The following BCHE variants were observed in gnomAD, a reference collection of about 807,000 sequenced individuals.
BCHE encodes the protein cholinesterase.
Under a neutral mutation model 51.3 loss-of-function variants are expected in BCHE, and 48 were observed. That is an observed-to-expected ratio of 0.94 (90% CI 0.74 to 1.19). The LOEUF (loss-of-function observed/expected upper bound fraction) is 1.19. BCHE is among the 50% of genes most tolerant of loss of function. The pLI, the probability that BCHE is intolerant of heterozygous loss-of-function variation, is 0.00. For missense variants in BCHE, 847 were observed against 708.2 expected (o/e 1.20, Z -2.23); for synonymous variants, 251 against 238.0 (o/e 1.05, Z -0.50).
intron 2 of BCHE, among the ~76,000 whole-genome samples, chr3:165,797,092 GA>G (rs1713409693): frequency 6.6e-6 from 1 of 151,468 alleles, no homozygotes; most frequent in South Asian, 2.1e-4. Context: ...AAGAAAATCA[GA>G]AACTTTTTCT....
intron 3 of BCHE, among the ~76,000 whole-genome samples, chr3:165,779,615 C>G (rs971090220): frequency 6.6e-6 from 1 of 151,974 alleles, no homozygotes; most frequent in African/African-American, 2.4e-5. Context: ...TTCCTATACA[C>G]CAATAATAGA....
At chr3:165,825,296 T>C (rs2108231287) in intron 2 of BCHE, among the ~76,000 whole-genome samples, 1 of 151,984 alleles carries the variant, frequency 6.6e-6, no homozygotes, top group African/African-American at 2.4e-5. Context: ...TGGGAAATAA[T>C]GAACCTCAAT....
At chr3:165,810,922 T>C (rs915263361) in intron 2 of BCHE, among the ~76,000 whole-genome samples, 6 of 152,174 alleles carry the variant, frequency 3.9e-5, no homozygotes, top group Non-Finnish European at 8.8e-5. Context: ...GGCTCAAGAT[T>C]AATATATAAC....
At chr3:165,837,211 A>G (rs993654851) in intron 1 of BCHE, 103 bp downstream of exon 1, 6 of 725,764 alleles carry the variant, frequency 8.3e-6, no homozygotes, top group African/African-American at 1.8e-5. Context: ...ACAGAGCACC[A>G]AAGGGACACA....
At chr3:165,811,988 G>A (rs1343530672) in intron 2 of BCHE, among the ~76,000 whole-genome samples, 1 of 151,902 alleles carries the variant, frequency 6.6e-6, no homozygotes, top group Non-Finnish European at 1.5e-5. Context: ...AATCTCCAGA[G>A]ATTCCTTTTA....
At chr3:165,809,605 TTGTATTAAGGCAAA>T (rs1253394254) in intron 2 of BCHE, among the ~76,000 whole-genome samples, 8 of 151,710 alleles carry the variant, frequency 5.3e-5, no homozygotes, top group East Asian at 1.9e-4. Context: ...AATTTATCAT[TTGTATTAAGGCAAA>T]TGTATTAAGG....
At position 165,830,359 on chromosome 3, in the gene BCHE, T is replaced by G. The variant is rs1225421595; in HGVS notation, c.675A>C (p.Glu225Asp). ...GGCTAACTGAAGCTGCTCCTGCACT[T>G]TCTCCAAAGAGAGTTACACTTTTAG... ...GNPKSVTLFG[E>D]SAGAASVSLH... The change falls in exon 2 of 4, where the codon GAA becomes GAC. Residue 225 changes from glutamate (E) to aspartate (D), a missense_variant. Coordinates refer to ENST00000264381, the MANE Select transcript of BCHE (RefSeq NM_000055.4). The G allele has an allele frequency of 6.2e-7, 1 of 1,614,030 alleles. No homozygotes were observed. The highest frequency in any genetic ancestry group is 8.5e-7 in the Non-Finnish European group (1 of 1,179,954).
chr3:165,775,241 T>C (rs1472905200), intron 3 of BCHE, among the ~76,000 whole-genome samples: 2 of 151,978 alleles, frequency 1.3e-5, no homozygotes, highest in East Asian at 3.9e-4. Context: ...CCCTTGTAAT[T>C]TAGGATATAT....
chr3:165,835,239 T>C (rs1361302245), intron 1 of BCHE, among the ~76,000 whole-genome samples: 1 of 151,810 alleles, frequency 6.6e-6, no homozygotes, highest in African/African-American at 2.4e-5. Context: ...ACTATTAATA[T>C]TCCCTAGCTG....
intron 1 of BCHE, among the ~76,000 whole-genome samples, chr3:165,831,730 G>T (rs1446266153): frequency 6.6e-6 from 1 of 151,896 alleles, no homozygotes; most frequent in African/African-American, 2.4e-5. Flanking sequence ...CACTAGTAAG[G>T]GCTATGGAAA....
intron 2 of BCHE, among the ~76,000 whole-genome samples, chr3:165,804,994 T>G (rs1054272182): frequency 1.3e-5 from 2 of 152,146 alleles, no homozygotes; most frequent in Non-Finnish European, 2.9e-5. Context: ...GTTTACAAGA[T>G]TTTTAGTAGA....
intron 2 of BCHE, among the ~76,000 whole-genome samples, chr3:165,812,717 G>A (rs1714148442): frequency 6.6e-6 from 1 of 151,910 alleles, no homozygotes; most frequent in Non-Finnish European, 1.5e-5. Context: ...TTTTAATGTG[G>A]TAGTTTCTCA....
intron 3 of BCHE, among the ~76,000 whole-genome samples, chr3:165,784,829 A>G (rs539812191): frequency 1.8e-4 from 28 of 151,900 alleles, no homozygotes; most frequent in African/African-American, 5.5e-4. Context: ...CTCATATAAA[A>G]ATATTTTAAA....
chr3:165,815,285 C>A (rs915811338), intron 2 of BCHE, among the ~76,000 whole-genome samples: 1 of 150,234 alleles, frequency 6.7e-6, no homozygotes, highest in African/African-American at 2.4e-5. Flanking sequence ...AGATTGAATT[C>A]TTGCTCTTTT....
chr3:165,781,225 T>C (rs1712685054), intron 3 of BCHE, among the ~76,000 whole-genome samples: 1 of 152,050 alleles, frequency 6.6e-6, no homozygotes, highest in South Asian at 2.1e-4. Context: ...CACTCCAGCC[T>C]AGGCAACAAG....
chr3:165,826,110 A>T (rs185105524), intron 2 of BCHE, among the ~76,000 whole-genome samples: 294 of 152,208 alleles, frequency 1.9e-3, no homozygotes, highest in African/African-American at 6.8e-3. Flanking sequence ...AAAAATAAGC[A>T]TGTGCTTATA....
intron 2 of BCHE, among the ~76,000 whole-genome samples, chr3:165,828,231 G>T (rs1714805225): frequency 6.6e-6 from 1 of 152,104 alleles, no homozygotes; most frequent in African/African-American, 2.4e-5. Flanking sequence ...AGAGGAAAGA[G>T]GTAGGTGTTC....
At chr3:165,788,175 G>A (rs1314365535) in intron 2 of BCHE, among the ~76,000 whole-genome samples, 2 of 151,928 alleles carry the variant, frequency 1.3e-5, no homozygotes, top group Non-Finnish European at 2.9e-5. Context: ...GAATTTGGAA[G>A]AAGTAAACAT....
intron 2 of BCHE, among the ~76,000 whole-genome samples, chr3:165,820,370 T>C (rs1461633715): frequency 1.3e-5 from 2 of 152,102 alleles, no homozygotes; most frequent in Non-Finnish European, 2.9e-5. Context: ...TTTTTAAACC[T>C]ACATTTATAT....
Sources: gnomAD v4.1 joint callset for allele counts (sites outside exome capture counted in the v4.1 genomes callset) on GRCh38, gnomAD v4.1.1 for gene constraint, MANE v1.5 for transcripts, NCBI Gene and HGNC (gene_info 2026-07-23, HGNC 2026-07-21) for gene names.